The following PRH1 variants were observed in gnomAD, a reference collection of about 807,000 sequenced individuals.
The protein encoded by PRH1 is proline rich protein HaeIII subfamily 1.
In PRH1, 7 loss-of-function variants were observed where a neutral mutation model predicts 7.9. That is an observed-to-expected ratio of 0.89 (90% CI 0.50 to 1.67). The LOEUF is 1.67. Among genes scored for constraint, PRH1 ranks in the 40% most tolerant of loss-of-function variants. PRH1 has a pLI of 0.00. For synonymous variants in PRH1, 45 were observed against 80.8 expected (o/e 0.56, Z 2.38); for missense variants, 109 against 223.6 (o/e 0.49, Z 3.27).
chr12:11,045,278 G>A (rs1282093238), intron 1 of PRH1, among the ~76,000 whole-genome samples: 1 of 150,376 alleles, frequency 6.6e-6, no homozygotes, highest in African/African-American at 2.4e-5. Flanking sequence ...GGGAAAGGTA[G>A]TGGAGGCTAA....
chr12:11,153,016 G>T (rs941535246), intron 1 of PRH1, among the ~76,000 whole-genome samples: 1 of 152,112 alleles, frequency 6.6e-6, no homozygotes, highest in Non-Finnish European at 1.5e-5. Context: ...GTTTCCAACG[G>T]TAAAGGAGAC....
At chr12:11,004,944 T>A (rs1421027475) in intron 1 of PRH1, among the ~76,000 whole-genome samples, 4 of 152,146 alleles carry the variant, frequency 2.6e-5, no homozygotes, top group Non-Finnish European at 5.9e-5. Flanking sequence ...ATTACCAGTA[T>A]GGAAAACATG....
chr12:11,149,053 G>C (rs1185932023), intron 1 of PRH1, among the ~76,000 whole-genome samples: 1 of 151,374 alleles, frequency 6.6e-6, no homozygotes, highest in Non-Finnish European at 1.5e-5. Flanking sequence ...ATTTCTTCTA[G>C]ATTTTCTAGT....
Position 11,097,613 on chromosome 12 carries a change from T to C in PRH1, n.124-50425A>G, listed in dbSNP as rs1250362919. Among the ~76,000 whole-genome samples, 42 of 114,878 alleles carry C rather than the reference T, an allele frequency of 3.7e-4. 12 individuals are homozygous for C. Among genetic ancestry groups the C allele is most frequent in the African/African-American group, 1.0e-3 (35 of 34,570 alleles). The allele number at this position is 114,878 out of a possible 152,430, so 75.4% of individuals were successfully genotyped here. A position where few individuals can be genotyped will look rare whatever the true frequency, so the allele number is the denominator to read the frequency against. On this transcript the variant is annotated intron_variant and non_coding_transcript_variant, in intron 1 of 4. Coordinates refer to the PRH1 transcript ENST00000541977. Reference sequence around the variant, plus strand: ...AAATCTAAATGTATTGGAGCTTGACTTGAACTTTGCTGTTTACTATTGTAA... The same window carrying C: ...AAATCTAAATGTATTGGAGCTTGACCTGAACTTTGCTGTTTACTATTGTAA...
At chr12:10,939,162 C>A (rs1950350292) in intron 2 of PRH1, 1 of 1,600,732 alleles carries the variant, frequency 6.2e-7, no homozygotes, top group Non-Finnish European at 8.5e-7. Flanking sequence ...ATTATAAATT[C>A]CACAATTAAA....
At chr12:10,973,790 G>C in intron 1 of PRH1, 1 of 731,106 alleles carries the variant, frequency 1.4e-6, no homozygotes, top group South Asian at 1.5e-5. Flanking sequence ...AAACAAGGAG[G>C]GCCAGCTAAA....
At chr12:10,946,190 TAA>T (rs1222928084) in intron 2 of PRH1, among the ~76,000 whole-genome samples, 3 of 152,190 alleles carry the variant, frequency 2.0e-5, no homozygotes, top group Non-Finnish European at 4.4e-5. Flanking sequence ...GGGGAAGTGA[TAA>T]GTGTCCATGA....
At chr12:11,011,018 A>T (rs184712183) in intron 1 of PRH1, among the ~76,000 whole-genome samples, 28 of 152,176 alleles carry the variant, frequency 1.8e-4, no homozygotes, top group South Asian at 4.1e-4. Flanking sequence ...GCATATTGTA[A>T]GGGAAATTTC....
downstream of PRH1, among the ~76,000 whole-genome samples, chr12:11,120,025 G>C (rs1179817481): frequency 1.3e-5 from 2 of 152,186 alleles, no homozygotes; most frequent in African/African-American, 4.8e-5. Flanking sequence ...ATATGTGCTT[G>C]AGAATTTTGC....
chr12:10,885,922 T>C (rs1432664008), upstream of PRH1, among the ~76,000 whole-genome samples: 3 of 152,274 alleles, frequency 2.0e-5, no homozygotes, highest in Non-Finnish European at 4.4e-5. Flanking sequence ...TTGCAGATAA[T>C]AATACAAGAA....
upstream of PRH1, chr12:10,884,346 T>C (rs1949457417): frequency 1.8e-6 from 2 of 1,109,030 alleles, no homozygotes; most frequent in Non-Finnish European, 2.7e-6. Flanking sequence ...CCTCAGAGAC[T>C]GGCTTCTGCT....
intron 1 of PRH1, among the ~76,000 whole-genome samples, chr12:11,086,381 T>C (rs113313028): frequency 0.35 from 34,343 of 96,770 alleles, 4,126 homozygotes; most frequent in Non-Finnish European, 0.45. Flanking sequence ...GTATGAATAT[T>C]CAGGTTTATT....
chr12:11,098,636 T>C (rs1945134771), intron 1 of PRH1, among the ~76,000 whole-genome samples: 1 of 152,240 alleles, frequency 6.6e-6, no homozygotes, highest in South Asian at 2.1e-4. Context: ...GGGAGCTTGG[T>C]CACAACTAAG....
chr12:11,004,284 A>T (rs982477559), intron 1 of PRH1, among the ~76,000 whole-genome samples: 8 of 152,068 alleles, frequency 5.3e-5, no homozygotes, highest in Non-Finnish European at 1.0e-4. Flanking sequence ...AACCTCAGGT[A>T]TGGAGTTCAA....
At chr12:11,005,623 T>C (rs1180570809) in intron 1 of PRH1, among the ~76,000 whole-genome samples, 1 of 152,104 alleles carries the variant, frequency 6.6e-6, no homozygotes, top group African/African-American at 2.4e-5. Flanking sequence ...ACAAGCTCAT[T>C]AACACAAACA....
At position 11,068,129 on chromosome 12, in the gene PRH1, C is replaced by A. The variant is rs182965810; in HGVS notation, n.124-20941G>T. On this transcript the variant is annotated intron_variant and non_coding_transcript_variant, in intron 1 of 4. Transcript: ENST00000541977. ...TAACATTAACATCGATGTTACCACA[C>A]CTTGGTCAGAAAATAGAATTTGCCA... 9.9e-5 allele frequency among the ~76,000 whole-genome samples: 15 copies of A among 152,056 alleles called. No individual in the cohort carries two copies. In the East Asian group the frequency reaches 1.9e-3, roughly 20 times the overall value.
chr12:10,979,718 G>C (rs1217294244), intron 1 of PRH1, among the ~76,000 whole-genome samples: 2 of 152,162 alleles, frequency 1.3e-5, no homozygotes, highest in African/African-American at 4.8e-5. Context: ...AATTATCTTG[G>C]CAAGAAATGC....
intron 2 of PRH1, 73 bp downstream of exon 2, chr12:10,882,988 A>G (rs749721285): frequency 1.3e-6 from 2 of 1,551,462 alleles, no homozygotes; most frequent in Non-Finnish European, 1.8e-6. Flanking sequence ...GGTGATAAGA[A>G]GACACTGGAG....
intron 1 of PRH1, among the ~76,000 whole-genome samples, chr12:10,981,428 C>G (rs1939351149): frequency 7.6e-6 from 1 of 132,392 alleles, no homozygotes. Flanking sequence ...GGCTGGAGTT[C>G]AGTGGCATGA....
Sources: gnomAD v4.1 joint callset for allele counts (sites outside exome capture counted in the v4.1 genomes callset) on GRCh38, gnomAD v4.1.1 for gene constraint, MANE v1.5 for transcripts, NCBI Gene and HGNC (gene_info 2026-07-23, HGNC 2026-07-21) for gene names.